IL1RAPL2: variants seen among roughly 807,000 people sequenced by gnomAD.
IL1RAPL2 encodes interleukin 1 receptor accessory protein like 2, also known as X-linked interleukin-1 receptor accessory protein-like 2.
A neutral mutation model predicts 44.1 loss-of-function variants in IL1RAPL2; 3 were observed. The ratio of observed to expected loss-of-function variants is 0.07; its 90% CI spans 0.03 to 0.18. The LOEUF (loss-of-function observed/expected upper bound fraction) is 0.18, where lower values mean the gene tolerates loss of function less well. Ranked by LOEUF, IL1RAPL2 falls within the 10% of genes least tolerant of loss-of-function variation. IL1RAPL2 has a pLI of 1.00. For missense variants in IL1RAPL2, 391 were observed against 496.4 expected (o/e 0.79, Z 2.02); for synonymous variants, 181 against 178.8 (o/e 1.01, Z -0.10).
chrX:105,034,419 T>C (rs1358909545), intron 2 of IL1RAPL2, among the ~76,000 whole-genome samples: 1 of 112,229 alleles, frequency 8.9e-6, no homozygotes, highest in Non-Finnish European at 1.9e-5. Context: ...ATGTCCTTTC[T>C]GTTTGTTAGT....
At chrX:105,641,609 A>T (rs2037570130) in intron 6 of IL1RAPL2, among the ~76,000 whole-genome samples, 1 of 111,890 alleles carries the variant, frequency 8.9e-6, no homozygotes, top group Admixed American at 9.5e-5. Flanking sequence ...TTATTATTTA[A>T]AAGAAATAAA....
At chrX:104,875,485 G>C (rs1391765907) in intron 2 of IL1RAPL2, among the ~76,000 whole-genome samples, 1 of 111,785 alleles carries the variant, frequency 8.9e-6, no homozygotes, top group East Asian at 2.8e-4. Context: ...ACAGGGTGCT[G>C]TGGGAGTGCT....
chrX:105,541,360 T>C (rs1418116579), intron 6 of IL1RAPL2, among the ~76,000 whole-genome samples: 1 of 110,884 alleles, frequency 9.0e-6, no homozygotes, highest in Non-Finnish European at 1.9e-5. Flanking sequence ...TAGATTTGTA[T>C]ATTTGGAGAT....
At chrX:105,126,017 G>A (rs991177368) in intron 2 of IL1RAPL2, among the ~76,000 whole-genome samples, 14 of 111,337 alleles carry the variant, frequency 1.3e-4, no homozygotes, top group Non-Finnish European at 2.1e-4. Context: ...TTTTTATCCA[G>A]TGTAAGAAAT....
chrX:105,181,905 A>G (rs960999172), intron 2 of IL1RAPL2, among the ~76,000 whole-genome samples: 1 of 109,168 alleles, frequency 9.2e-6, no homozygotes, highest in African/African-American at 3.3e-5. Flanking sequence ...TCTACTAAAA[A>G]TAGAAAAAAA....
chrX:105,542,651 C>T (rs2036747938), intron 6 of IL1RAPL2, among the ~76,000 whole-genome samples: 1 of 106,847 alleles, frequency 9.4e-6, no homozygotes, highest in African/African-American at 3.5e-5. Context: ...TCACAACAAT[C>T]CTATAAAATA....
chrX:105,365,988 C>T (rs184420927), intron 5 of IL1RAPL2, among the ~76,000 whole-genome samples: 5 of 109,344 alleles, frequency 4.6e-5, no homozygotes, highest in Non-Finnish European at 7.6e-5. Context: ...ACTCTTGTTG[C>T]CCAGGCTGGA....
chrX:105,707,938 C>G (rs758059490), intron 6 of IL1RAPL2, among the ~76,000 whole-genome samples: 8 of 109,843 alleles, frequency 7.3e-5, no homozygotes, highest in Non-Finnish European at 1.3e-4. Context: ...TTTAAGTGAG[C>G]AAAAGTGGAG....
chrX:105,733,605 C>A (rs182850206), intron 7 of IL1RAPL2, among the ~76,000 whole-genome samples: 28 of 111,214 alleles, frequency 2.5e-4, no homozygotes, highest in African/African-American at 8.5e-4. Context: ...GACATATCTT[C>A]AAATGCATTG....
intron 6 of IL1RAPL2, among the ~76,000 whole-genome samples, chrX:105,561,753 T>G (rs939701660): frequency 1.8e-5 from 2 of 112,181 alleles, no homozygotes; most frequent in Non-Finnish European, 3.8e-5. Flanking sequence ...AGCAAATGTC[T>G]AATCCCTCCT....
At chrX:105,227,686 A>G in intron 3 of IL1RAPL2, among the ~76,000 whole-genome samples, 1 of 112,252 alleles carries the variant, frequency 8.9e-6, no homozygotes, top group East Asian at 2.8e-4. Flanking sequence ...TACACAGTTC[A>G]GGGCTTTGGC....
intron 2 of IL1RAPL2, among the ~76,000 whole-genome samples, chrX:104,919,287 G>A (rs1463359120): frequency 3.8e-5 from 4 of 105,968 alleles, no homozygotes; most frequent in Non-Finnish European, 5.8e-5. Context: ...GTGCAATGGC[G>A]TGATCTCGGC....
intron 3 of IL1RAPL2, among the ~76,000 whole-genome samples, chrX:105,205,766 A>G (rs1189850626): frequency 1.9e-5 from 2 of 107,703 alleles, no homozygotes; most frequent in African/African-American, 6.7e-5. Flanking sequence ...TTTTTAAATT[A>G]GTAATCAGAG....
intron 2 of IL1RAPL2, among the ~76,000 whole-genome samples, chrX:104,879,446 T>G (rs767259278): frequency 2.8e-5 from 3 of 108,314 alleles, no homozygotes; most frequent in South Asian, 3.9e-4. Flanking sequence ...TGCATTTTCT[T>G]GCAATATTAA....
intron 2 of IL1RAPL2, among the ~76,000 whole-genome samples, chrX:104,696,502 A>G (rs1387661123): frequency 8.9e-6 from 1 of 112,015 alleles, no homozygotes; most frequent in Non-Finnish European, 1.9e-5. Context: ...CTGAGCTATT[A>G]CTTCATTGGC....
intron 2 of IL1RAPL2, among the ~76,000 whole-genome samples, chrX:104,882,092 A>G (rs1194171187): frequency 8.9e-6 from 1 of 112,358 alleles, no homozygotes; most frequent in Non-Finnish European, 1.9e-5. Context: ...AAACAACATG[A>G]AAATCTCATT....
At chrX:105,615,542 AACTGGATGTCATTATGTTAAGT>A (rs2037369298) in intron 6 of IL1RAPL2, among the ~76,000 whole-genome samples, 6 of 112,052 alleles carry the variant, frequency 5.4e-5, no homozygotes, top group African/African-American at 1.9e-4. Flanking sequence ...ACATAGATAT[AACTGGATGTCATTATGTTAAGT>A]GAAATAAGCC....
intron 1 of IL1RAPL2, among the ~76,000 whole-genome samples, chrX:104,608,057 G>A (rs931279779): frequency 1.8e-5 from 2 of 111,616 alleles, no homozygotes; most frequent in East Asian, 5.7e-4. Context: ...CCATAAAAAA[G>A]GATGAGTTCA....
rs1246195181 is a variant in IL1RAPL2 at position 105,544,419 on chromosome X, CT to C, written c.772+60041del. Among the ~76,000 whole-genome samples, 16 of 109,351 alleles carry C rather than the reference CT, an allele frequency of 1.5e-4. No individual in the cohort carries two copies. In the East Asian group the frequency reaches 4.0e-3, roughly 27 times the overall value. 95.0% of individuals were successfully genotyped at this position (109,351 alleles called of 115,157 possible). On this transcript the variant is annotated intron_variant, in intron 6 of 10. Transcript: ENST00000372582. ...CTTCTTTCTTTCTTTTGATTCTTCT[CT>C]TTTTTTTTCTTTCTTCTTATTGCCT...
Sources: allele counts gnomAD v4.1 joint callset (sites outside exome capture counted in the v4.1 genomes callset), GRCh38; gene constraint gnomAD v4.1.1; transcripts MANE v1.5; gene names NCBI Gene and HGNC (gene_info 2026-07-23, HGNC 2026-07-21).